The following MARCHF8 variants were observed in gnomAD, a reference collection of about 807,000 sequenced individuals.
The protein encoded by MARCHF8 is membrane associated ring-CH-type finger 8.
MARCHF8 carries 40 observed loss-of-function variants against 51.6 expected under a neutral mutation model. The observed-to-expected ratio is 0.77, with a 90% CI of 0.60 to 1.01. The LOEUF (loss-of-function observed/expected upper bound fraction) is 1.01. Among genes scored for constraint, MARCHF8 ranks in the 50% least tolerant of loss-of-function variants. The probability of loss-of-function intolerance (pLI) is 0.00; values close to 1 mark genes in which losing one functional copy is unlikely to be tolerated. For missense variants in MARCHF8, 685 were observed against 708.6 expected, an observed-to-expected ratio of 0.97 and a Z score of 0.38; for synonymous variants, 263 against 280.3, an observed-to-expected ratio of 0.94 and a Z score of 0.62.
At chr10:45,516,539 G>T (rs988978956) in intron 2 of MARCHF8, among the ~76,000 whole-genome samples, 1 of 152,098 alleles carries the variant, frequency 6.6e-6, no homozygotes, top group South Asian at 2.1e-4. Context: ...CAAGGTGGGT[G>T]GATCACCTGA....
upstream of MARCHF8, among the ~76,000 whole-genome samples, chr10:45,538,159 T>C (rs1017040830): frequency 1.3e-5 from 2 of 152,184 alleles, no homozygotes; most frequent in African/African-American, 4.8e-5. Context: ...TGGGGGCCAA[T>C]ATTCAACATT....
At chr10:45,550,002 A>T (rs551477338) in intron 1 of MARCHF8, among the ~76,000 whole-genome samples, 111 of 152,334 alleles carry the variant, frequency 7.3e-4, no homozygotes, top group African/African-American at 2.4e-3. Context: ...AATGGGAGAA[A>T]CAAGTGAAGT....
intron 1 of MARCHF8, among the ~76,000 whole-genome samples, chr10:45,573,112 G>T: frequency 6.6e-6 from 1 of 152,022 alleles, no homozygotes; most frequent in Middle Eastern, 3.2e-3. Flanking sequence ...CATCAAATAT[G>T]AAAAACCCAG....
chr10:45,544,182 CCAAAAACACTAGAATGGCTCCAAT>C (rs2044092081), intron 1 of MARCHF8, among the ~76,000 whole-genome samples: 2 of 152,224 alleles, frequency 1.3e-5, no homozygotes, highest in South Asian at 4.2e-4. Flanking sequence ...ATGGCTACAA[CCAAAAACACTAGAATGGCTCCAAT>C]CAAAAAGACA....
In MARCHF8 at chr10:45,509,552, T is replaced by C. The variant is rs79593565; in HGVS notation, c.103-20135A>G. Among the ~76,000 whole-genome samples the C allele has an allele frequency of 3.8e-3, 582 of 152,330 alleles. 12 individuals are homozygous for C. The East Asian group carries it at 0.053, about 14-fold the overall frequency. On this transcript the variant is annotated intron_variant, in intron 2 of 7. Coordinates refer to ENST00000453424, the MANE Select transcript of MARCHF8 (RefSeq NM_001282866.2). ...TTTTACTAGGACATAAGTGGAAATA[T>C]TGGTTTTGCAACTAAACTCACATTT... is the stretch of plus-strand genomic sequence containing the variant.
chr10:45,470,309 C>T (rs900084194), intron 3 of MARCHF8, among the ~76,000 whole-genome samples: 3 of 152,210 alleles, frequency 2.0e-5, no homozygotes, highest in Admixed American at 6.5e-5. Context: ...ACACAGCTCC[C>T]TAAAGCTTGA....
intron 1 of MARCHF8, among the ~76,000 whole-genome samples, chr10:45,557,665 A>G (rs1041915967): frequency 1.3e-5 from 2 of 152,206 alleles, no homozygotes; most frequent in African/African-American, 4.8e-5. Context: ...TAGGGCTGGA[A>G]TGTGGTTTCA....
At chr10:45,576,995 CTT>C (rs57040411) in intron 1 of MARCHF8, among the ~76,000 whole-genome samples, 34,598 of 142,506 alleles carry the variant, frequency 0.24, 4,306 homozygotes, top group South Asian at 0.37. Flanking sequence ...AAAAAAGAAA[CTT>C]AATTGCCAAT....
chr10:45,481,762 A>T (rs2042891488), intron 3 of MARCHF8, among the ~76,000 whole-genome samples: 1 of 152,216 alleles, frequency 6.6e-6, no homozygotes, highest in Admixed American at 6.5e-5. Context: ...CAGCATGAAA[A>T]CAGACTAATA....
chr10:45,538,628 C>T (rs975850111), upstream of MARCHF8, among the ~76,000 whole-genome samples: 8 of 152,046 alleles, frequency 5.3e-5, no homozygotes, highest in Non-Finnish European at 1.2e-4. Context: ...GAAGATCTAC[C>T]AAGCAAACGG....
chr10:45,509,883 C>A (rs2043462452), intron 2 of MARCHF8, among the ~76,000 whole-genome samples: 5 of 152,142 alleles, frequency 3.3e-5, no homozygotes, highest in Admixed American at 3.3e-4. Context: ...TTAAAAAATC[C>A]AATCTGAGAT....
chr10:45,529,224 T>A (rs2043839184), intron 2 of MARCHF8, among the ~76,000 whole-genome samples: 1 of 152,214 alleles, frequency 6.6e-6, no homozygotes, highest in African/African-American at 2.4e-5. Context: ...CACCCTATTC[T>A]ATACATGATA....
At chr10:45,519,808 A>C (rs913141274) in intron 2 of MARCHF8, among the ~76,000 whole-genome samples, 5 of 152,372 alleles carry the variant, frequency 3.3e-5, no homozygotes, top group African/African-American at 1.2e-4. Context: ...GCACCAGGGC[A>C]GAGAGGAAGG....
At chr10:45,470,966 A>C (rs771859064) in intron 3 of MARCHF8, among the ~76,000 whole-genome samples, 44 of 152,234 alleles carry the variant, frequency 2.9e-4, no homozygotes, top group Non-Finnish European at 7.3e-5. Context: ...AAAAGAGGCC[A>C]TTCTGTGGCT....
Position 45,594,678 on chromosome 10 carries a change from G to A in MARCHF8, c.-522C>T, listed in dbSNP as rs1325210034. 6.8e-5 allele frequency: 9 copies of A among 132,766 alleles called. No homozygotes were observed. In the East Asian group the frequency reaches 1.5e-3, roughly 22 times the overall value. 8.2% of individuals were successfully genotyped at this position (132,766 alleles called of 1,614,324 possible). ...CTGCCGGCAGCCACACCCCCTGCCC[G>A]GGCCGGGGGCTCGGCCGCCCTTATT... On this transcript the variant is annotated 5_prime_UTR_variant, in exon 1 of 7. Transcript: ENST00000319836.
At chr10:45,566,068 CAA>C (rs1438892737) in intron 1 of MARCHF8, among the ~76,000 whole-genome samples, 2 of 152,076 alleles carry the variant, frequency 1.3e-5, no homozygotes, top group Non-Finnish European at 2.9e-5. Flanking sequence ...TTTTAAACAG[CAA>C]AGTCACCCCA....
chr10:45,461,096 A>G, intron 6 of MARCHF8, 135 bp downstream of exon 6: 1 of 541,410 alleles, frequency 1.8e-6, no homozygotes, highest in Non-Finnish European at 3.0e-6. Flanking sequence ...CAATCTCTAC[A>G]ATGCAAATGT....
At chr10:45,550,606 A>ACT (rs545607337) in intron 1 of MARCHF8, among the ~76,000 whole-genome samples, 61 of 151,942 alleles carry the variant, frequency 4.0e-4, no homozygotes, top group African/African-American at 1.4e-3. Flanking sequence ...TTGCCTCACT[A>ACT]CTCACCTTAC....
upstream of MARCHF8, among the ~76,000 whole-genome samples, chr10:45,538,436 A>C (rs1032984535): frequency 3.3e-5 from 5 of 152,240 alleles, no homozygotes; most frequent in Admixed American, 3.3e-4. Flanking sequence ...AGCTAACATC[A>C]TAATGACAGG....
Sources: gnomAD v4.1 joint callset for allele counts (sites outside exome capture counted in the v4.1 genomes callset) on GRCh38, gnomAD v4.1.1 for gene constraint, MANE v1.5 for transcripts, NCBI Gene and HGNC (gene_info 2026-07-23, HGNC 2026-07-21) for gene names.